SLC17A6: variants seen among roughly 807,000 people sequenced by gnomAD.
The protein encoded by SLC17A6 is solute carrier family 17 member 6, also known as vesicular glutamate transporter 2.
Under a neutral mutation model 67.1 loss-of-function variants are expected in SLC17A6, and 35 were observed. That is an observed-to-expected ratio of 0.52 (90% CI 0.40 to 0.69). The LOEUF (loss-of-function observed/expected upper bound fraction) is 0.69. Ranked by LOEUF, SLC17A6 falls within the 30% of genes least tolerant of loss-of-function variation. The pLI is 0.00. For synonymous variants in SLC17A6, 285 were observed against 252.3 expected, an observed-to-expected ratio of 1.13 and a Z score of -1.23; for missense variants, 588 against 723.9, an observed-to-expected ratio of 0.81 and a Z score of 2.15.
chr11:22,369,319 G>T (rs1856147435), intron 7 of SLC17A6, among the ~76,000 whole-genome samples: 1 of 151,936 alleles, frequency 6.6e-6, no homozygotes, highest in South Asian at 2.1e-4. Context: ...CATATGCAAA[G>T]CTGATCATAT....
At chr11:22,347,978 C>G (rs767666988) in intron 3 of SLC17A6, among the ~76,000 whole-genome samples, 19 of 152,124 alleles carry the variant, frequency 1.2e-4, no homozygotes, top group Non-Finnish European at 1.8e-4. Context: ...GAGTAAGACA[C>G]TTAGGATCAC....
intron 3 of SLC17A6, among the ~76,000 whole-genome samples, chr11:22,349,669 A>G (rs1590381423): frequency 6.6e-6 from 1 of 152,094 alleles, no homozygotes; most frequent in African/African-American, 2.4e-5. Flanking sequence ...TGATGCTCCT[A>G]CTGCCATATG....
chr11:22,368,012 A>G (rs1458834399), intron 7 of SLC17A6, among the ~76,000 whole-genome samples: 1 of 152,204 alleles, frequency 6.6e-6, no homozygotes, highest in Admixed American at 6.5e-5. Context: ...TATACTCATC[A>G]CATAGGTGTA....
intron 3 of SLC17A6, among the ~76,000 whole-genome samples, chr11:22,357,204 GTA>G (rs1856001210): frequency 6.6e-6 from 1 of 152,112 alleles, no homozygotes. Context: ...TATAACATTG[GTA>G]TATGTTTTAA....
intron 3 of SLC17A6, among the ~76,000 whole-genome samples, chr11:22,343,840 G>C (rs1855846725): frequency 6.6e-6 from 1 of 152,094 alleles, no homozygotes; most frequent in African/African-American, 2.4e-5. Flanking sequence ...TGGTGCTCTG[G>C]GTATGAAGTA....
intron 3 of SLC17A6, among the ~76,000 whole-genome samples, chr11:22,357,727 A>G (rs1341076850): frequency 6.6e-6 from 1 of 152,246 alleles, no homozygotes; most frequent in Non-Finnish European, 1.5e-5. Context: ...TATTCATCGT[A>G]CCTCTAAAAC....
intron 4 of SLC17A6, among the ~76,000 whole-genome samples, chr11:22,360,092 T>A (rs1327950468): frequency 6.9e-6 from 1 of 144,892 alleles, no homozygotes; most frequent in South Asian, 2.2e-4. Flanking sequence ...AGATAAATAA[T>A]GTAAAATATT....
rs142320581 is a variant in SLC17A6, at chr11:22,372,478, A to G, written c.1042-2277A>G. ...CTTGAAAATGGCATATCAGCGGGTCAGTGCTAGGATTAACCAGCACTTTCA... is the reference window on the plus strand; with the variant it reads ...CTTGAAAATGGCATATCAGCGGGTCGGTGCTAGGATTAACCAGCACTTTCA... On this transcript the variant is annotated intron_variant, in intron 8 of 11. Coordinates refer to ENST00000263160, the MANE Select transcript of SLC17A6 (RefSeq NM_020346.3). Among the ~76,000 whole-genome samples the G allele has an allele frequency of 6.8e-4, 104 of 152,024 alleles. 1 individual carries two copies. The highest frequency in any genetic ancestry group is 1.1e-3 in the Non-Finnish European group (75 of 67,946).
intron 3 of SLC17A6, among the ~76,000 whole-genome samples, chr11:22,357,639 G>A (rs1465154723): frequency 6.6e-6 from 1 of 152,148 alleles, no homozygotes; most frequent in African/African-American, 2.4e-5. Flanking sequence ...AGCTTATCAC[G>A]AGACAATCGT....
chr11:22,353,847 T>G (rs1252865467), intron 3 of SLC17A6, among the ~76,000 whole-genome samples: 2 of 152,176 alleles, frequency 1.3e-5, no homozygotes, highest in Non-Finnish European at 2.9e-5. Context: ...TATCTGCCCC[T>G]TTTGTGATGT....
At position 22,376,104 on chromosome 11, in the gene SLC17A6, T is replaced by C; in HGVS notation, c.1285+12T>C. ...ATTTGCTATATCTGGTAAGATATAA[T>C]TTTTTTTCTTTGTACTTGGGACATT... On this transcript the variant is annotated intron_variant, in intron 10 of 11. Coordinates refer to ENST00000263160, the MANE Select transcript of SLC17A6 (RefSeq NM_020346.3). The C allele has an allele frequency of 2.5e-6, 4 of 1,570,592 alleles. No homozygotes were observed. The highest frequency in any genetic ancestry group is 3.5e-6 in the Non-Finnish European group (4 of 1,151,598).
chr11:22,374,805 T>C lies in SLC17A6; in HGVS notation c.1092T>C (p.Pro364=). Residue 364 remains proline (P), a synonymous_variant, in exon 9 of 12, where the codon CCT becomes CCC. Coordinates refer to ENST00000263160, the MANE Select transcript of SLC17A6 (RefSeq NM_020346.3). ...VPHLVMTIIV[P]IGGQIADFLR... is the part of the protein sequence containing the mutation. ...ACTTAGTAATGACAATTATTGTGCC[T>C]ATTGGGGGACAAATTGCAGATTTTC... 9 of 1,613,654 alleles carry C rather than the reference T, an allele frequency of 5.6e-6. 1 individual carries two copies. Among genetic ancestry groups the C allele is most frequent in the South Asian group, 4.4e-5 (4 of 91,040 alleles).
Position 22,376,028 on chromosome 11 carries a change from T to A in SLC17A6, c.1221T>A (p.His407Gln), listed in dbSNP as rs202178535. Residue 407 changes from histidine to glutamine, a missense_variant, in exon 10 of 12, where the codon CAT (histidine) becomes CAA (glutamine). Coordinates refer to ENST00000263160, the MANE Select transcript of SLC17A6 (RefSeq NM_020346.3). ...ATLLLVVGYS[H>Q]TRGVAISFLV... ...TGCTCCTGGTCGTTGGCTATTCTCA[T>A]ACTAGAGGGGTAGCAATCTCATTCT... The A allele has an allele frequency of 6.2e-6, 10 of 1,612,324 alleles. No homozygotes were observed. The highest frequency in any genetic ancestry group is 8.5e-6 in the Non-Finnish European group (10 of 1,179,096).
chr11:22,361,699 T>G (rs1856054332), intron 5 of SLC17A6, among the ~76,000 whole-genome samples: 1 of 150,886 alleles, frequency 6.6e-6, no homozygotes, highest in African/African-American at 2.4e-5. Flanking sequence ...GAGCTCTTTC[T>G]GCTAATCTGA....
At chr11:22,356,082 C>G (rs1359172142) in intron 3 of SLC17A6, among the ~76,000 whole-genome samples, 1 of 152,172 alleles carries the variant, frequency 6.6e-6, no homozygotes, top group East Asian at 1.9e-4. Context: ...AGCTTTACTA[C>G]TTGCTTTTTT....
intron 2 of SLC17A6, 101 bp from the exon 3 acceptor site, chr11:22,343,146 G>A (rs1855836347): frequency 3.2e-6 from 3 of 951,610 alleles, no homozygotes; most frequent in Middle Eastern, 2.1e-4. Flanking sequence ...TGCATGAAGC[G>A]CCCAAGCCTT....
chr11:22,356,104 C>A (rs1339645744), intron 3 of SLC17A6, among the ~76,000 whole-genome samples: 1 of 152,136 alleles, frequency 6.6e-6, no homozygotes, highest in East Asian at 1.9e-4. Context: ...CTTGGCCACA[C>A]TTTGTTTCAA....
At chr11:22,355,249 A>C (rs1270008389) in intron 3 of SLC17A6, among the ~76,000 whole-genome samples, 1 of 152,194 alleles carries the variant, frequency 6.6e-6, no homozygotes, top group East Asian at 1.9e-4. Context: ...GCTCTGAACC[A>C]TTACCTAGTG....
chr11:22,377,554 A>AG lies in SLC17A6; in HGVS notation c.1564dup (p.Asp522GlyfsTer2). ...AAGAAAAATGTGGATTTATTCATGA[A>AG]GATGAACTCGATGAAGAAACAGGGG... On this transcript the variant is annotated frameshift_variant, in exon 12 of 12. Coordinates refer to ENST00000263160, the MANE Select transcript of SLC17A6 (RefSeq NM_020346.3). LOFTEE classifies it high-confidence loss of function. 6.2e-7 allele frequency: 1 copy of AG among 1,614,184 alleles called. No homozygotes were observed. Among genetic ancestry groups the AG allele is most frequent in the Non-Finnish European group, 8.5e-7 (1 of 1,180,014 alleles).
Sources: gnomAD v4.1 joint callset for allele counts (sites outside exome capture counted in the v4.1 genomes callset) on GRCh38, gnomAD v4.1.1 for gene constraint, MANE v1.5 for transcripts, NCBI Gene and HGNC (gene_info 2026-07-23, HGNC 2026-07-21) for gene names.